FLCN: variants seen among roughly 807,000 people sequenced by gnomAD.
FLCN encodes BHD skin lesion fibrofolliculoma protein.
FLCN carries 22 observed loss-of-function variants against 62.5 expected under a neutral mutation model. The ratio of observed to expected loss-of-function variants is 0.35; its 90% CI spans 0.25 to 0.50. FLCN has a LOEUF of 0.50. FLCN is among the 20% of genes least tolerant of loss of function. FLCN has a pLI of 0.97. For synonymous variants in FLCN, 319 were observed against 310.0 expected (o/e 1.03, Z -0.30); for missense variants, 657 against 778.0 (o/e 0.84, Z 1.85).
Position 17,224,136 on chromosome 17 carries a change from G to A in FLCN, c.404C>T (p.Pro135Leu), listed in dbSNP as rs1490236729. 14 of 1,586,462 alleles carry A rather than the reference G, an allele frequency of 8.8e-6. No homozygotes were observed. Among genetic ancestry groups the A allele is most frequent in the South Asian group, 6.8e-5 (6 of 87,868 alleles). ...GAAGAAGATGGGGCCTTCACGGCCA[G>A]GGCAGACCTGGAGGGACACCGGCGA... The part of the protein sequence containing the change: ...CVRSLSCEVC[P>L]GREGPIFFGD... The change falls in exon 6 of 14, where the codon CCT becomes CTT. Residue 135 changes from proline (P) to leucine (L), a missense_variant. Transcript: ENST00000285071.
chr17:17,217,297 G>A, intron 9 of FLCN, 115 bp from the exon 10 acceptor site: 1 of 774,324 alleles, frequency 1.3e-6, no homozygotes, highest in Non-Finnish European at 2.2e-6. Flanking sequence ...CAGGGCTCAG[G>A]AGAAAGACAC....
Position 17,216,563 on chromosome 17 carries a change from C to G in FLCN, c.1177-60G>C. 6.2e-7 allele frequency: 1 copy of G among 1,607,144 alleles called. No homozygotes were observed. The highest frequency in any genetic ancestry group is 8.5e-7 in the Non-Finnish European group (1 of 1,178,270). On this transcript the variant is annotated intron_variant, in intron 10 of 13. Transcript: ENST00000285071. This position sits in a 1 kb window ranked among gnomAD's most constrained non-coding sequence, Gnocchi z 4.0. ...GAGGAAGCCCTCAGCCCCGGCCATC[C>G]ATGCTCTACTACCCAAACCCCACAC...
At chr17:17,226,024 C>T (rs141509823) in intron 5 of FLCN, 152 bp downstream of exon 5, 7 of 1,063,606 alleles carry the variant, frequency 6.6e-6, no homozygotes, top group Admixed American at 6.0e-5. Context: ...ACAAGGGAGG[C>T]GTCCTGTACC....
At position 17,217,194 on chromosome 17, in the gene FLCN, A is replaced by C; in HGVS notation, c.1063-12T>G. On this transcript the variant is annotated splice_polypyrimidine_tract_variant and intron_variant, in intron 9 of 13. Coordinates refer to ENST00000285071, the MANE Select transcript of FLCN (RefSeq NM_144997.7). ...GGGGCACCCAGGACCTAAACAAGAG[A>C]GTGCAGTGCTTTCAGCGTGACTAGT... The C allele has an allele frequency of 6.4e-7, 1 of 1,565,826 alleles. No individual in the cohort carries two copies. Among genetic ancestry groups the C allele is most frequent in the East Asian group, 2.2e-5 (1 of 44,648 alleles).
chr17:17,223,888 C>T (rs572943868), intron 6 of FLCN, 34 bp downstream of exon 6: 30 of 1,608,912 alleles, frequency 1.9e-5, no homozygotes, highest in Non-Finnish European at 2.0e-5. Flanking sequence ...GTGCAGGGCC[C>T]CCTGCCGCCC....
Position 17,216,341 on chromosome 17 carries a change from A to G in FLCN, c.1300+39T>C. 6.2e-7 allele frequency: 1 copy of G among 1,611,400 alleles called. No homozygotes were observed. Among genetic ancestry groups the G allele is most frequent in the Non-Finnish European group, 8.5e-7 (1 of 1,178,812 alleles). The stretch of plus-strand genomic sequence containing the variant: ...TTGGGCCTGAGGCGTGGGGAACCTC[A>G]GCGCAGGGCATGGCCCCACAGCCCG... On this transcript the variant is annotated intron_variant, in intron 11 of 13. Coordinates refer to ENST00000285071, the MANE Select transcript of FLCN (RefSeq NM_144997.7). The surrounding 1 kb of genome is among the most constrained non-coding windows in gnomAD (Gnocchi z 4.0).
intron 5 of FLCN, chr17:17,224,362 T>TA: frequency 1.7e-6 from 1 of 586,940 alleles, no homozygotes; most frequent in Non-Finnish European, 3.0e-6. Context: ...CAAGGGCCGG[T>TA]AACAAGGCTT....
intron 3 of FLCN, 179 bp from the exon 4 acceptor site, chr17:17,228,340 G>A (rs1011854702): frequency 3.0e-6 from 2 of 671,876 alleles, no homozygotes; most frequent in Admixed American, 2.9e-5. Flanking sequence ...GAGGAACAGA[G>A]ATAGGATCTT....
rs1314645884 is a variant in FLCN, at chr17:17,213,705, GT to G, written c.1689del (p.His564ThrfsTer24). ...WMTGLSKTYK[S>X]HLMSTVRSPT... is the part of the protein sequence containing the mutation. The stretch of plus-strand genomic sequence containing the variant: ...GGGCTGCGGACCGTGGACATGAGGT[GT>G]GACTTGTAGGTCTTGCTCAGGCCAG... On this transcript the variant is annotated frameshift_variant, in exon 14 of 14. Coordinates refer to ENST00000285071, the MANE Select transcript of FLCN (RefSeq NM_144997.7). LOFTEE classifies it high-confidence loss of function. 5.0e-6 allele frequency: 8 copies of G among 1,614,122 alleles called. No homozygotes were observed. Among genetic ancestry groups the G allele is most frequent in the African/African-American group, 1.3e-5 (1 of 74,946 alleles).
At position 17,233,393 on chromosome 17, in the gene FLCN, C is replaced by A. The variant is rs182242759; in HGVS notation, c.-227-492G>T. On this transcript the variant is annotated intron_variant, in intron 1 of 13. Transcript: ENST00000285071. ...TGGGCAGATCAGGAGGTCAGGAGAT[C>A]GAGACCATCCTGGCTAACATGGTGA... Among the ~76,000 whole-genome samples, 1,241 of 151,942 alleles carry A rather than the reference C, an allele frequency of 8.2e-3. 16 individuals are homozygous for A. Among genetic ancestry groups the A allele is most frequent in the Non-Finnish European group, 0.012 (815 of 67,972 alleles).
Position 17,215,267 on chromosome 17 carries a change from G to A in FLCN, c.1350C>T (p.His450=), listed in dbSNP as rs753685944. 41 of 1,614,118 alleles carry A rather than the reference G, an allele frequency of 2.5e-5. No homozygotes were observed. In the Middle Eastern group the frequency reaches 4.9e-4, roughly 19 times the overall value. The change falls in exon 12 of 14, where the codon CAC becomes CAT. Residue 450 remains histidine (H), a synonymous_variant. Transcript: ENST00000285071. The part of the protein sequence containing the change: ...EVHAAARSTL[H]PVGCEDDQSL... Reference sequence around the variant, plus strand: ...ACTGGTCATCCTCACACCCCACAGGGTGGAGGGTGGAACGTGCGGCTGCGT... The same window carrying A: ...ACTGGTCATCCTCACACCCCACAGGATGGAGGGTGGAACGTGCGGCTGCGT...
At chr17:17,224,242 A>C in intron 5 of FLCN, 99 bp from the exon 6 acceptor site, 7 of 1,114,410 alleles carry the variant, frequency 6.3e-6, no homozygotes, top group Non-Finnish European at 9.3e-6. Context: ...GGCACAAATC[A>C]GCCAGCGTTA....
rs750047828 is a variant in FLCN, at chr17:17,227,949, G to A, written c.189C>T (p.Pro63=). The A allele has an allele frequency of 1.8e-5, 29 of 1,613,996 alleles. No individual in the cohort carries two copies. The highest frequency in any genetic ancestry group is 1.6e-4 in the African/African-American group (12 of 74,930). ...QMNSRMRAHS[P]AEGASVESSS... ...TGGACTCGACGCTGGCCCCCTCTGC[G>A]GGGCTGTGCGCACGCATCCGACTGT... The change falls in exon 4 of 14, where the codon CCC becomes CCT. Residue 63 remains proline, a synonymous_variant. Coordinates refer to ENST00000285071, the MANE Select transcript of FLCN (RefSeq NM_144997.7).
chr17:17,231,340 C>T (rs1424303721), intron 3 of FLCN, among the ~76,000 whole-genome samples: 1 of 152,182 alleles, frequency 6.6e-6, no homozygotes, highest in East Asian at 1.9e-4. Flanking sequence ...CAGAATATTT[C>T]TGCCTTCCCA....
At chr17:17,215,550 C>T (rs529373142) in intron 11 of FLCN, among the ~76,000 whole-genome samples, 2 of 152,350 alleles carry the variant, frequency 1.3e-5, no homozygotes, top group South Asian at 2.1e-4. Flanking sequence ...ACAATAATCA[C>T]AAAGTACTTT....
intron 5 of FLCN, 158 bp downstream of exon 5, chr17:17,226,018 G>T: frequency 9.8e-7 from 1 of 1,015,240 alleles, no homozygotes; most frequent in Non-Finnish European, 1.5e-6. Flanking sequence ...TTCTGGACAA[G>T]GGAGGCGTCC....
chr17:17,220,865 C>A, intron 8 of FLCN: 1 of 234,856 alleles, frequency 4.3e-6, no homozygotes, highest in Non-Finnish European at 8.5e-6. Flanking sequence ...CCTGCACCTG[C>A]CTGCAGAAAC....
chr17:17,219,233 G>C (rs1198288679), intron 8 of FLCN, 24 bp from the exon 9 acceptor site: 5 of 1,611,420 alleles, frequency 3.1e-6, no homozygotes, highest in Non-Finnish European at 4.2e-6. Context: ...GACAAGGACA[G>C]TTACAGATAC....
At chr17:17,225,178 C>T (rs2047212500) in intron 5 of FLCN, 1 of 152,250 alleles carries the variant, frequency 6.6e-6, no homozygotes, top group African/African-American at 2.4e-5. Flanking sequence ...GAGAGCAGCA[C>T]GGGATCATCA....
Sources: allele counts gnomAD v4.1 joint callset (sites outside exome capture counted in the v4.1 genomes callset), GRCh38; gene constraint gnomAD v4.1.1; non-coding constraint Gnocchi (gnomAD v3.1); transcripts MANE v1.5; gene names NCBI Gene and HGNC (gene_info 2026-07-23, HGNC 2026-07-21).